The following NAALADL2 variants were observed in gnomAD, a reference collection of about 807,000 sequenced individuals.
NAALADL2 encodes N-acetylated alpha-linked acidic dipeptidase like 2, also known as inactive N-acetylated-alpha-linked acidic dipeptidase-like protein 2.
Under a neutral mutation model 87.2 loss-of-function variants are expected in NAALADL2, and 76 were observed. The ratio of observed to expected loss-of-function variants is 0.87; its 90% confidence interval spans 0.72 to 1.05. The LOEUF (loss-of-function observed/expected upper bound fraction) is 1.05. Among genes scored for constraint, NAALADL2 ranks in the 50% least tolerant of loss-of-function variants. The probability of loss-of-function intolerance (pLI) is 0.00; values close to 1 mark genes in which losing one functional copy is unlikely to be tolerated. For missense variants in NAALADL2, 1,089 were observed against 945.8 expected, an observed-to-expected ratio of 1.15 and a Z score of -1.99; for synonymous variants, 354 against 331.0, an observed-to-expected ratio of 1.07 and a Z score of -0.75.
intron 2 of NAALADL2, among the ~76,000 whole-genome samples, chr3:175,110,790 G>C (rs1724057510): frequency 6.6e-6 from 1 of 151,712 alleles, no homozygotes; most frequent in East Asian, 1.9e-4. Flanking sequence ...TTGCTGATTG[G>C]TTCAAGAAAA....
chr3:174,489,323 A>T (rs1718041885), intron 1 of NAALADL2, among the ~76,000 whole-genome samples: 1 of 151,986 alleles, frequency 6.6e-6, no homozygotes, highest in Admixed American at 6.6e-5. Context: ...TTCCTACTAT[A>T]TACAAAAACG....
intron 1 of NAALADL2, among the ~76,000 whole-genome samples, chr3:175,039,907 T>C (rs1198956213): frequency 2.6e-5 from 4 of 152,218 alleles, no homozygotes; most frequent in African/African-American, 9.6e-5. Context: ...CGGTTGAATA[T>C]ACAAATTTGT....
At chr3:175,116,448 CAG>C (rs1725184706) in intron 2 of NAALADL2, among the ~76,000 whole-genome samples, 1 of 150,824 alleles carries the variant, frequency 6.6e-6, no homozygotes, top group Non-Finnish European at 1.5e-5. Context: ...AACAGACAAA[CAG>C]AGAGCCAAAT....
chr3:174,926,110 T>A (rs9713696), intron 1 of NAALADL2, among the ~76,000 whole-genome samples: 58,620 of 151,754 alleles, frequency 0.39, 12,364 homozygotes, highest in African/African-American at 0.57. Context: ...GGTATCAGTG[T>A]TTGAAGATCA....
At chr3:174,978,444 A>G (rs1744657186) in intron 1 of NAALADL2, among the ~76,000 whole-genome samples, 1 of 152,214 alleles carries the variant, frequency 6.6e-6, no homozygotes, top group Non-Finnish European at 1.5e-5. Flanking sequence ...ATAATTTATT[A>G]AAAGAGATGT....
intron 3 of NAALADL2, among the ~76,000 whole-genome samples, chr3:174,812,856 A>G (rs2109301773): frequency 6.6e-6 from 1 of 152,280 alleles, no homozygotes; most frequent in Non-Finnish European, 1.5e-5. Flanking sequence ...ATATAAAGAA[A>G]AAAATTTTCA....
At chr3:175,194,427 C>T (rs555567808) in intron 2 of NAALADL2, among the ~76,000 whole-genome samples, 2 of 151,964 alleles carry the variant, frequency 1.3e-5, no homozygotes, top group Non-Finnish European at 1.5e-5. Context: ...CTGAAAATCC[C>T]TTAAGGGGCT....
At chr3:175,070,268 C>G (rs979835037) in intron 1 of NAALADL2, among the ~76,000 whole-genome samples, 1 of 151,666 alleles carries the variant, frequency 6.6e-6, no homozygotes, top group Non-Finnish European at 1.5e-5. Flanking sequence ...ATGTAATTCT[C>G]TGCAAAAGTA....
At chr3:174,465,192 G>A (rs1295036576) in intron 1 of NAALADL2, among the ~76,000 whole-genome samples, 1 of 151,880 alleles carries the variant, frequency 6.6e-6, no homozygotes, top group African/African-American at 2.4e-5. Flanking sequence ...CTGTGTGTGT[G>A]TTCATTTGCA....
chr3:174,611,140 G>T (rs1719814780), intron 2 of NAALADL2, among the ~76,000 whole-genome samples: 1 of 139,290 alleles, frequency 7.2e-6, no homozygotes, highest in East Asian at 2.4e-4. Context: ...ACGGGAAGGG[G>T]AACATCATAC....
At chr3:175,707,528 G>A (rs1430867153) in intron 11 of NAALADL2, among the ~76,000 whole-genome samples, 1 of 151,928 alleles carries the variant, frequency 6.6e-6, no homozygotes, top group African/African-American at 2.4e-5. Flanking sequence ...CATCCATATT[G>A]CATAGATAAG....
chr3:174,819,753 C>G (rs1259622453), intron 3 of NAALADL2, among the ~76,000 whole-genome samples: 12 of 150,630 alleles, frequency 8.0e-5, no homozygotes, highest in Admixed American at 7.9e-4. Context: ...AAATAGTTAT[C>G]TCTCATCTAC....
chr3:175,328,115 A>G (rs12633154), intron 5 of NAALADL2, among the ~76,000 whole-genome samples: 9,265 of 152,256 alleles, frequency 0.061, 421 homozygotes, highest in East Asian at 0.2. Flanking sequence ...ACCTAGCTAG[A>G]CAGTGCAAAC....
At chr3:175,343,667 TTTTTTTTTTC>T (rs1343120201) in intron 5 of NAALADL2, among the ~76,000 whole-genome samples, 5 of 145,448 alleles carry the variant, frequency 3.4e-5, no homozygotes, top group East Asian at 2.1e-4. Flanking sequence ...TTTTTTTTTT[TTTTTTTTTTC>T]CCTTCCCACT....
chr3:174,809,199 A>G (rs988596457), intron 3 of NAALADL2, among the ~76,000 whole-genome samples: 1 of 152,200 alleles, frequency 6.6e-6, no homozygotes, highest in African/African-American at 2.4e-5. Flanking sequence ...GCAACATAAT[A>G]TGCAGTCAGA....
intron 5 of NAALADL2, among the ~76,000 whole-genome samples, chr3:175,336,054 C>T (rs1177407536): frequency 1.3e-5 from 2 of 152,204 alleles, no homozygotes; most frequent in East Asian, 1.9e-4. Flanking sequence ...GTGCATACCC[C>T]TCCATATGAT....
chr3:175,731,240 C>CT (rs1330093793), intron 11 of NAALADL2, among the ~76,000 whole-genome samples: 2 of 151,900 alleles, frequency 1.3e-5, no homozygotes, highest in Non-Finnish European at 1.5e-5. Flanking sequence ...GCCTCAGTTT[C>CT]TTTTTTTTAT....
chr3:174,518,584 T>A (rs914988929), intron 1 of NAALADL2, among the ~76,000 whole-genome samples: 1 of 152,154 alleles, frequency 6.6e-6, no homozygotes, highest in Non-Finnish European at 1.5e-5. Flanking sequence ...AACCTCAGAA[T>A]AAAATTTAAT....
chr3:174,655,241 A>G (rs923433219), intron 2 of NAALADL2, among the ~76,000 whole-genome samples: 1 of 152,158 alleles, frequency 6.6e-6, no homozygotes, highest in African/African-American at 2.4e-5. Flanking sequence ...AGTCATTTAA[A>G]TTATTTTGCT....
Sources: allele counts gnomAD v4.1 joint callset (sites outside exome capture counted in the v4.1 genomes callset), GRCh38; gene constraint gnomAD v4.1.1; transcripts MANE v1.5; gene names NCBI Gene and HGNC (gene_info 2026-07-23, HGNC 2026-07-21).